ACKR3: variants seen among roughly 807,000 people sequenced by gnomAD.
ACKR3 encodes the protein atypical chemokine receptor 3.
Under a neutral mutation model 22.4 loss-of-function variants are expected in ACKR3, and 6 were observed. That is an observed-to-expected ratio of 0.27 (90% CI 0.15 to 0.53). The LOEUF is 0.53. Ranked by LOEUF, ACKR3 falls within the 20% of genes least tolerant of loss-of-function variation. The pLI is 0.96. For missense variants in ACKR3, 396 were observed against 475.2 expected, an observed-to-expected ratio of 0.83 and a Z score of 1.55; for synonymous variants, 209 against 205.2, an observed-to-expected ratio of 1.02 and a Z score of -0.16.
At chr2:236,542,829 A>G in the ACKR3 span, among the ~76,000 whole-genome samples, 1 of 104,832 alleles carries the variant, frequency 9.5e-6, no homozygotes, top group Admixed American at 8.0e-5. Context: ...TATACCATCA[A>G]ACCAAATTGG....
chr2:236,539,375 C>A, the ACKR3 span, among the ~76,000 whole-genome samples: 14 of 143,758 alleles, frequency 9.7e-5, no homozygotes, highest in African/African-American at 3.7e-4. Flanking sequence ...TGCAGTGGTG[C>A]GATCTCGGCT....
the ACKR3 span, among the ~76,000 whole-genome samples, chr2:236,552,248 G>A: frequency 6.6e-6 from 1 of 152,202 alleles, no homozygotes; most frequent in African/African-American, 2.4e-5. Context: ...GCCCTGGCCA[G>A]GACTTCTCAA....
the ACKR3 span, among the ~76,000 whole-genome samples, chr2:236,556,878 G>C: frequency 8.5e-5 from 13 of 152,224 alleles, no homozygotes; most frequent in African/African-American, 2.9e-4. Context: ...AGTAGAGACG[G>C]GGTTTCGCCA....
chr2:236,580,972 G>A lies in ACKR3; in HGVS notation c.507G>A (p.Trp169Ter). The change falls in exon 2 of 2, where the codon TGG becomes TGA. Residue 169 changes from tryptophan to a stop codon, truncating the protein, a stop_gained. Transcript: ENST00000272928. LOFTEE classifies it high-confidence loss of function. The stretch of plus-strand genomic sequence containing the variant: ...GCCGTGTCGTCTGCATCCTGGTGTG[G>A]CTGCTGGCCTTCTGCGTGTCTCTGC... ...MVRRVVCILV[W>*]LLAFCVSLPD... is the part of the protein sequence containing the mutation. 6.2e-7 allele frequency: 1 copy of A among 1,614,116 alleles called. No homozygotes were observed. The highest frequency in any genetic ancestry group is 8.5e-7 in the Non-Finnish European group (1 of 1,180,044).
the ACKR3 span, among the ~76,000 whole-genome samples, chr2:236,553,696 G>A: frequency 3.3e-5 from 5 of 152,378 alleles, no homozygotes; most frequent in South Asian, 2.1e-4. Flanking sequence ...AGGGTTTCCC[G>A]CCATGCGGGA....
the ACKR3 span, among the ~76,000 whole-genome samples, chr2:236,559,931 C>A: frequency 2.0e-5 from 3 of 152,326 alleles, no homozygotes; most frequent in South Asian, 6.2e-4. Flanking sequence ...ATTAATATAG[C>A]TTTATAATAA....
chr2:236,575,981 C>T (rs1027913789), intron 1 of ACKR3, among the ~76,000 whole-genome samples: 2 of 152,224 alleles, frequency 1.3e-5, no homozygotes, highest in African/African-American at 4.8e-5. Context: ...TTTTGTTCTG[C>T]ACCCCCTCCC....
At chr2:236,572,488 T>G (rs1691330182) in intron 1 of ACKR3, among the ~76,000 whole-genome samples, 1 of 152,236 alleles carries the variant, frequency 6.6e-6, no homozygotes, top group Non-Finnish European at 1.5e-5. Flanking sequence ...CTTTTCCTGC[T>G]ATAACAGATA....
chr2:236,556,581 G>C, the ACKR3 span, among the ~76,000 whole-genome samples: 2 of 152,188 alleles, frequency 1.3e-5, no homozygotes, highest in Non-Finnish European at 2.9e-5. Context: ...AGCTAAAAAA[G>C]GCAAGAAAGC....
At chr2:236,552,704 G>A in the ACKR3 span, among the ~76,000 whole-genome samples, 6 of 152,174 alleles carry the variant, frequency 3.9e-5, no homozygotes, top group East Asian at 1.9e-4. Context: ...CATGCTCTGC[G>A]TGTAGGAAAC....
upstream of ACKR3, among the ~76,000 whole-genome samples, chr2:236,566,736 C>CTTCCTTCCTTCCTTCCTTCA: frequency 6.7e-6 from 1 of 148,258 alleles, no homozygotes; most frequent in African/African-American, 2.5e-5. Flanking sequence ...TCCTTCCTTC[C>CTTCCTTCCTTCCTTCCTTCA]TTCCTTCCTT....
At chr2:236,579,087 A>T (rs1395843743) in intron 1 of ACKR3, among the ~76,000 whole-genome samples, 1 of 152,132 alleles carries the variant, frequency 6.6e-6, no homozygotes, top group South Asian at 2.1e-4. Flanking sequence ...TAATGAATAG[A>T]GGAGCCAGAA....
At chr2:236,557,441 T>C in the ACKR3 span, among the ~76,000 whole-genome samples, 3 of 152,078 alleles carry the variant, frequency 2.0e-5, no homozygotes, top group Admixed American at 1.3e-4. Context: ...TTAAATAAAG[T>C]GCAAGATGAG....
chr2:236,542,890 T>G, the ACKR3 span, among the ~76,000 whole-genome samples: 2 of 152,090 alleles, frequency 1.3e-5, no homozygotes, highest in Admixed American at 1.3e-4. Flanking sequence ...TAGGAAGGAG[T>G]GGTACAGATT....
rs1338766534 is a variant in ACKR3, at chr2:236,574,984, A to G, written c.-27+5060A>G. On this transcript the variant is annotated intron_variant, in intron 1 of 1. Transcript: ENST00000272928. The surrounding 1 kb of genome is among the most constrained non-coding windows in gnomAD (Gnocchi z 5.6). ...GGGAAAGTTCTCTCCCTGTCACTGC[A>G]ACGTGCGACAGGGCCGCTAAAAAGG... is the stretch of plus-strand genomic sequence containing the variant. 6.6e-6 allele frequency among the ~76,000 whole-genome samples: 1 copy of G among 152,138 alleles called. No individual in the cohort carries two copies. The highest frequency in any genetic ancestry group is 6.5e-5 in the Admixed American group (1 of 15,276).
At chr2:236,553,521 G>T in the ACKR3 span, among the ~76,000 whole-genome samples, 1 of 152,264 alleles carries the variant, frequency 6.6e-6, no homozygotes, top group East Asian at 1.9e-4. Flanking sequence ...GGCTGAGCTG[G>T]AAAATGACCT....
chr2:236,544,309 CA>C, the ACKR3 span, among the ~76,000 whole-genome samples: 2 of 151,888 alleles, frequency 1.3e-5, no homozygotes, highest in Non-Finnish European at 2.9e-5. The surrounding 1 kb of genome is among the most constrained non-coding windows in gnomAD (Gnocchi z 5.0). Flanking sequence ...TTTATAAGGA[CA>C]AAAAAGGATC....
the ACKR3 span, among the ~76,000 whole-genome samples, chr2:236,562,064 G>T: frequency 2.6e-5 from 4 of 152,210 alleles, no homozygotes; most frequent in Non-Finnish European, 4.4e-5. Flanking sequence ...TAGAAGTGAA[G>T]TGTTCAACCA....
At chr2:236,561,505 C>T in the ACKR3 span, among the ~76,000 whole-genome samples, 8 of 151,276 alleles carry the variant, frequency 5.3e-5, no homozygotes, top group African/African-American at 2.0e-4. Context: ...TATACAAACA[C>T]AATTGACTTT....
Sources: gnomAD v4.1 joint callset for allele counts (sites outside exome capture counted in the v4.1 genomes callset) on GRCh38, gnomAD v4.1.1 for gene constraint, Gnocchi (gnomAD v3.1) non-coding constraint, MANE v1.5 for transcripts, NCBI Gene and HGNC (gene_info 2026-07-23, HGNC 2026-07-21) for gene names.